Variants in ACAD11 observed in about 807,000 individuals in gnomAD.
ACAD11 encodes acyl-CoA dehydrogenase family member 11, also known as acyl-Coenzyme A dehydrogenase family, member 11.
Under a neutral mutation model 102.2 loss-of-function variants are expected in ACAD11, and 83 were observed. That is an observed-to-expected ratio of 0.81 (90% confidence interval 0.68 to 0.97). The LOEUF (loss-of-function observed/expected upper bound fraction) is 0.97, where lower values mean the gene tolerates loss of function less well. Ranked by LOEUF, ACAD11 falls within the 50% of genes least tolerant of loss-of-function variation. ACAD11 has a pLI of 0.00. For missense variants in ACAD11, 901 were observed against 951.7 expected, an observed-to-expected ratio of 0.95 and a Z score of 0.70; for synonymous variants, 324 against 319.8, an observed-to-expected ratio of 1.01 and a Z score of -0.14.
intron 13 of ACAD11, among the ~76,000 whole-genome samples, chr3:132,583,290 C>A (rs1367848749): frequency 6.6e-6 from 1 of 151,908 alleles, no homozygotes; most frequent in Non-Finnish European, 1.5e-5. Flanking sequence ...AGGGTGTATG[C>A]GTCGAGGAAT....
At chr3:132,646,079 C>T (rs1057092541) in intron 1 of ACAD11, 1 of 151,978 alleles carries the variant, frequency 6.6e-6, no homozygotes, top group Non-Finnish European at 1.5e-5. Context: ...CGGGTTCACA[C>T]CATTCTCCTG....
At chr3:132,605,334 T>G in intron 11 of ACAD11, 129 bp from the exon 12 acceptor site, 1 of 537,688 alleles carries the variant, frequency 1.9e-6, no homozygotes, top group South Asian at 3.0e-5. Context: ...TATTTTGAAA[T>G]ATATAGTAAA....
intron 13 of ACAD11, among the ~76,000 whole-genome samples, chr3:132,592,177 C>T (rs1487657973): frequency 6.6e-6 from 1 of 151,868 alleles, no homozygotes; most frequent in Non-Finnish European, 1.5e-5. Flanking sequence ...GAGAAAAACC[C>T]TTCCCAAAGA....
intron 11 of ACAD11, among the ~76,000 whole-genome samples, chr3:132,606,412 G>T: frequency 6.6e-6 from 1 of 152,010 alleles, no homozygotes; most frequent in East Asian, 1.9e-4. Flanking sequence ...ACTGTTACTT[G>T]TTATAGTACA....
At chr3:132,649,677 C>G (rs10935026) in intron 1 of ACAD11, 28,333 of 152,142 alleles carry the variant, frequency 0.19, 3,838 homozygotes, top group East Asian at 0.53. Flanking sequence ...GAGCGCCGGT[C>G]CCCTGGGCCC....
intron 13 of ACAD11, among the ~76,000 whole-genome samples, chr3:132,598,158 G>A (rs946828310): frequency 1.3e-5 from 2 of 151,866 alleles, no homozygotes; most frequent in African/African-American, 4.8e-5. Flanking sequence ...TACTTCAGAG[G>A]ACAAAAAGAA....
chr3:132,583,679 G>C (rs1937665040), intron 13 of ACAD11, among the ~76,000 whole-genome samples: 1 of 151,784 alleles, frequency 6.6e-6, no homozygotes, highest in Non-Finnish European at 1.5e-5. Context: ...TTTCTCTTGT[G>C]GGCATTTAGT....
chr3:132,609,754 G>A (rs1045578180), intron 11 of ACAD11, among the ~76,000 whole-genome samples: 5 of 152,278 alleles, frequency 3.3e-5, no homozygotes, highest in African/African-American at 1.2e-4. Context: ...TAGAAAAAGA[G>A]GGACTCCTTC....
intron 18 of ACAD11, among the ~76,000 whole-genome samples, chr3:132,560,373 A>C (rs1937019091): frequency 1.3e-5 from 2 of 152,150 alleles, no homozygotes; most frequent in African/African-American, 4.8e-5. Context: ...TCTTTCATGA[A>C]ACATTTACTA....
intron 5 of ACAD11, among the ~76,000 whole-genome samples, chr3:132,638,982 T>C (rs547016779): frequency 6.6e-6 from 1 of 152,320 alleles, no homozygotes; most frequent in East Asian, 1.9e-4. Flanking sequence ...TTATACTCTT[T>C]ATAAAGAATA....
In ACAD11 at chr3:132,642,799, C is replaced by A; in HGVS notation, c.253G>T (p.Asp85Tyr). 1 of 1,606,926 alleles carries A rather than the reference C, an allele frequency of 6.2e-7. No homozygotes were observed. The highest frequency in any genetic ancestry group is 8.5e-7 in the Non-Finnish European group (1 of 1,177,968). The change falls in exon 3 of 20, where the codon GAT (aspartate) becomes TAT (tyrosine). Residue 85 changes from aspartate (D) to tyrosine (Y), a missense_variant. Physicochemically the swap from Asp to Tyr is radical, Grantham distance 160. Coordinates refer to ENST00000264990, the MANE Select transcript of ACAD11 (RefSeq NM_032169.5). ...GCTTTCTGGACTTTAAATTCTCTATCAATCTAAATAGGATGATGAATCATT... is the reference window on the plus strand; with the variant it reads ...GCTTTCTGGACTTTAAATTCTCTATAAATCTAAATAGGATGATGAATCATT... ...GSLLPKAHQI[D>Y]REFKVQKALF... is the part of the protein sequence containing the mutation.
At chr3:132,581,836 C>G (rs566088095) in intron 13 of ACAD11, among the ~76,000 whole-genome samples, 1 of 152,138 alleles carries the variant, frequency 6.6e-6, no homozygotes, top group South Asian at 2.1e-4. Flanking sequence ...TAACACACTA[C>G]TTAGGCCAGC....
At chr3:132,652,098 T>C (rs980411904) in intron 1 of ACAD11, among the ~76,000 whole-genome samples, 11 of 152,146 alleles carry the variant, frequency 7.2e-5, no homozygotes, top group African/African-American at 2.4e-4. Flanking sequence ...TTATCTTGAA[T>C]TGTAGCTCCC....
intron 11 of ACAD11, among the ~76,000 whole-genome samples, chr3:132,611,210 A>C (rs61292904): frequency 6.6e-6 from 1 of 151,860 alleles, no homozygotes; most frequent in Non-Finnish European, 1.5e-5. Context: ...ATTAGGTATC[A>C]ATGGGACGTA....
At position 132,558,980 on chromosome 3, in the gene ACAD11, G is replaced by C. The variant is rs183342559; in HGVS notation, c.2334C>G (p.Ala778=). 2 of 1,612,422 alleles carry C rather than the reference G, an allele frequency of 1.2e-6. No homozygotes were observed. Among genetic ancestry groups the C allele is most frequent in the African/African-American group, 2.7e-5 (2 of 75,018 alleles). Residue 778 remains alanine (A), a synonymous_variant, in exon 20 of 20, where the codon GCC becomes GCG. Transcript: ENST00000264990. The stretch of plus-strand genomic sequence containing the variant: ...GGCAGTGCCACCCTCCTTATATCTT[G>C]GCTGTCAGTCTTTTGGCTTGGTCCC... ...ELRDQAKRLT[A]KI
chr3:132,632,955 C>A (rs1345768113), intron 5 of ACAD11, among the ~76,000 whole-genome samples: 1 of 152,180 alleles, frequency 6.6e-6, no homozygotes, highest in Non-Finnish European at 1.5e-5. Flanking sequence ...AGTTGCTTAT[C>A]AGCTTAAGGA....
chr3:132,570,095 T>C (rs1410314917), intron 17 of ACAD11, among the ~76,000 whole-genome samples: 4 of 152,192 alleles, frequency 2.6e-5, no homozygotes, highest in African/African-American at 9.7e-5. Context: ...CTGTGAGTTT[T>C]CCCAATTTGT....
At chr3:132,620,746 C>T (rs944368310) in intron 9 of ACAD11, among the ~76,000 whole-genome samples, 1 of 152,140 alleles carries the variant, frequency 6.6e-6, no homozygotes, top group African/African-American at 2.4e-5. Context: ...AACTTAAAAA[C>T]TCTATGGCAG....
At chr3:132,582,632 T>C (rs1937621110) in intron 13 of ACAD11, among the ~76,000 whole-genome samples, 1 of 146,252 alleles carries the variant, frequency 6.8e-6, no homozygotes. Flanking sequence ...ATGTAATACA[T>C]AACTCCAGAA....
Sources: gnomAD v4.1 joint callset for allele counts (sites outside exome capture counted in the v4.1 genomes callset) on GRCh38, gnomAD v4.1.1 for gene constraint, MANE v1.5 for transcripts, NCBI Gene and HGNC (gene_info 2026-07-23, HGNC 2026-07-21) for gene names.